RBM33: variants seen among roughly 807,000 people sequenced by gnomAD.
RBM33 encodes RNA binding motif protein 33.
RBM33 carries 28 observed loss-of-function variants against 132.6 expected under a neutral mutation model. That is an observed-to-expected ratio of 0.21 (90% confidence interval 0.16 to 0.29). The LOEUF (loss-of-function observed/expected upper bound fraction) is 0.29, where lower values mean the gene tolerates loss of function less well. Ranked by LOEUF, RBM33 falls within the 10% of genes least tolerant of loss-of-function variation. The pLI is 1.00. For missense variants in RBM33, 1,291 were observed against 1,518.5 expected (o/e 0.85, Z 2.49); for synonymous variants, 634 against 593.0 (o/e 1.07, Z -1.01).
chr7:155,692,107 G>A (rs1188854769), intron 5 of RBM33, among the ~76,000 whole-genome samples: 6 of 151,886 alleles, frequency 4.0e-5, no homozygotes, highest in African/African-American at 1.5e-4. Context: ...TCTTGTGTGG[G>A]GGAGGAGGGA....
At chr7:155,711,086 A>G in intron 7 of RBM33, 117 bp from the exon 8 acceptor site, 1 of 1,365,350 alleles carries the variant, frequency 7.3e-7, no homozygotes, top group Non-Finnish European at 9.5e-7. Context: ...AACTTAAAAA[A>G]TGCAATCAGT....
At chr7:155,713,485 G>A (rs1222218232) in intron 8 of RBM33, among the ~76,000 whole-genome samples, 1 of 152,080 alleles carries the variant, frequency 6.6e-6, no homozygotes, top group African/African-American at 2.4e-5. Context: ...CGTGGGAATG[G>A]GGGCAGGAGG....
chr7:155,780,149 G>C lies in RBM33; in HGVS notation c.*5108G>C, dbSNP rs1386461634. The stretch of plus-strand genomic sequence containing the variant: ...CATTTTAAGGGCACCCGTGGCGGAA[G>C]CTGGTTTTGCAAGGACTGTGTAAGC... On this transcript the variant is annotated 3_prime_UTR_variant, in exon 18 of 18. Transcript: ENST00000401878. 1 of 152,220 alleles carries C rather than the reference G, an allele frequency of 6.6e-6. No homozygotes were observed. Among genetic ancestry groups the C allele is most frequent in the Non-Finnish European group, 1.5e-5 (1 of 68,048 alleles). The allele number at this position is 152,220 out of a possible 1,614,324, so 9.4% of individuals were successfully genotyped here.
In RBM33 at chr7:155,779,002, C is replaced by T. The variant is rs1007318718; in HGVS notation, c.*3961C>T. 3 of 152,446 alleles carry T rather than the reference C, an allele frequency of 2.0e-5. No individual in the cohort carries two copies. The highest frequency in any genetic ancestry group is 2.9e-5 in the Non-Finnish European group (2 of 68,064). The allele number at this position is 152,446 out of a possible 1,614,324, so 9.4% of individuals were successfully genotyped here. A position where few individuals can be genotyped will look rare whatever the true frequency, so the allele number is the denominator to read the frequency against. On this transcript the variant is annotated 3_prime_UTR_variant, in exon 18 of 18. Transcript: ENST00000401878. The stretch of plus-strand genomic sequence containing the variant: ...CTCTCCCTGGAGAGGACTGCCAGCT[C>T]TTAAGAAACATTCCTGGTGCGGTGT...
At position 155,644,721 on chromosome 7, in the gene RBM33, G is replaced by A. The variant is rs529997985; in HGVS notation, c.-156G>A. ...TGTTTTCTTCCTGCGGAGGCGAAGGGCCAGCTGTGGACCGCGAAGCGCCCG... is the reference window on the plus strand; with the variant it reads ...TGTTTTCTTCCTGCGGAGGCGAAGGACCAGCTGTGGACCGCGAAGCGCCCG... On this transcript the variant is annotated 5_prime_UTR_variant, in exon 1 of 18. Transcript: ENST00000401878. The A allele has an allele frequency of 2.5e-3, 1,357 of 532,548 alleles. 20 individuals are homozygous for A. The highest frequency in any genetic ancestry group is 0.024 in the African/African-American group (1,179 of 49,884). 33.0% of individuals were successfully genotyped at this position (532,548 alleles called of 1,614,324 possible). A position where few individuals can be genotyped will look rare whatever the true frequency, so the allele number is the denominator to read the frequency against.
intron 13 of RBM33, among the ~76,000 whole-genome samples, chr7:155,743,399 T>C (rs574757651): frequency 6.6e-6 from 1 of 152,382 alleles, no homozygotes; most frequent in East Asian, 1.9e-4. Flanking sequence ...GGCATCCTGC[T>C]GGCACATCTG....
rs972298807 is a variant in RBM33, at chr7:155,777,866, C to G, written c.*2825C>G. The stretch of plus-strand genomic sequence containing the variant: ...TCTGTGTATTATTTGTTCACAAATT[C>G]AAGAAGCTTAAAGGTCGTAAATATC... On this transcript the variant is annotated 3_prime_UTR_variant, in exon 18 of 18. Coordinates refer to ENST00000401878, the MANE Select transcript of RBM33 (RefSeq NM_053043.3). The G allele has an allele frequency of 1.3e-5, 2 of 152,588 alleles. No homozygotes were observed. The highest frequency in any genetic ancestry group is 4.8e-5 in the African/African-American group (2 of 41,438). The allele number at this position is 152,588 out of a possible 1,614,324, so 9.5% of individuals were successfully genotyped here.
chr7:155,674,839 T>A (rs1236449949), intron 3 of RBM33, among the ~76,000 whole-genome samples: 4 of 152,220 alleles, frequency 2.6e-5, no homozygotes, highest in African/African-American at 9.6e-5. Flanking sequence ...ACAGGAGATG[T>A]GTCTCTCATT....
chr7:155,702,899 A>G (rs1449027031), intron 6 of RBM33, among the ~76,000 whole-genome samples: 1 of 150,682 alleles, frequency 6.6e-6, no homozygotes, highest in Admixed American at 6.7e-5. Context: ...TAAGACTATT[A>G]ATTCACTTGC....
At position 155,734,891 on chromosome 7, in the gene RBM33, C is replaced by T. The variant is rs73734716; in HGVS notation, c.1261-2639C>T. Reference sequence around the variant, plus strand: ...TATTCCGTGTCATTCTGAGAAGCATCATTTAAACATTTTTTTGAAATAATG... The same window carrying T: ...TATTCCGTGTCATTCTGAGAAGCATTATTTAAACATTTTTTTGAAATAATG... On this transcript the variant is annotated intron_variant, in intron 9 of 17. Coordinates refer to ENST00000401878, the MANE Select transcript of RBM33 (RefSeq NM_053043.3). Among the ~76,000 whole-genome samples the T allele has an allele frequency of 6.9e-3, 986 of 143,148 alleles. 9 individuals carry two copies. Among genetic ancestry groups the T allele is most frequent in the African/African-American group, 0.026 (959 of 37,272 alleles). 93.9% of individuals were successfully genotyped at this position (143,148 alleles called of 152,430 possible). A position where few individuals can be genotyped will look rare whatever the true frequency, so the allele number is the denominator to read the frequency against.
intron 9 of RBM33, among the ~76,000 whole-genome samples, chr7:155,723,244 A>G (rs1800678650): frequency 6.6e-6 from 1 of 152,232 alleles, no homozygotes; most frequent in Non-Finnish European, 1.5e-5. Flanking sequence ...GAGAATCCAG[A>G]CTTTATTCCA....
chr7:155,661,148 T>TATATA, intron 1 of RBM33, among the ~76,000 whole-genome samples: 1 of 41,242 alleles, frequency 2.4e-5, no homozygotes, highest in African/African-American at 4.6e-5. Context: ...ATATATATAT[T>TATATA]TTTTTTTTTT....
At position 155,774,138 on chromosome 7, in the gene RBM33, T is replaced by A. The variant is rs888780321; in HGVS notation, c.3376-421T>A. Among the ~76,000 whole-genome samples, 5 of 152,246 alleles carry A rather than the reference T, an allele frequency of 3.3e-5. No homozygotes were observed. Among genetic ancestry groups the A allele is most frequent in the Non-Finnish European group, 5.9e-5 (4 of 68,040 alleles). Reference sequence around the variant, plus strand: ...ACTGTGGGCTGTGGGGCCCCCATACTAAACAGTTTCCTCTGGTGTGATGAG... The same window carrying A: ...ACTGTGGGCTGTGGGGCCCCCATACAAAACAGTTTCCTCTGGTGTGATGAG... On this transcript the variant is annotated intron_variant, in intron 16 of 17. Transcript: ENST00000401878. The surrounding 1 kb of genome is among the most constrained non-coding windows in gnomAD (Gnocchi z 4.2).
rs1453629827 is a variant in RBM33 at position 155,772,276 on chromosome 7, G to A, written c.3376-2283G>A. Among the ~76,000 whole-genome samples the A allele has an allele frequency of 7.9e-5, 12 of 152,024 alleles. No individual in the cohort carries two copies. In the Middle Eastern group the frequency reaches 0.01, roughly 129 times the overall value. ...CAGCTCTAACCTAGGTTAGGGTTAG[G>A]GTTTAGGTTCGGGTTAGGTTAGGGT... On this transcript the variant is annotated intron_variant, in intron 16 of 17. Coordinates refer to ENST00000401878, the MANE Select transcript of RBM33 (RefSeq NM_053043.3).
chr7:155,692,007 C>A (rs1239495358), intron 5 of RBM33, among the ~76,000 whole-genome samples: 1 of 150,848 alleles, frequency 6.6e-6, no homozygotes, highest in Non-Finnish European at 1.5e-5. Flanking sequence ...GCTGTGATTG[C>A]GCCACTGCCC....
intron 2 of RBM33, among the ~76,000 whole-genome samples, chr7:155,669,281 G>A (rs1376958025): frequency 6.6e-6 from 1 of 152,150 alleles, no homozygotes; most frequent in African/African-American, 2.4e-5. Context: ...ACCTGAAATT[G>A]TGTTTTATTT....
At chr7:155,703,174 CCTT>C (rs1334674123) in intron 6 of RBM33, among the ~76,000 whole-genome samples, 3 of 152,240 alleles carry the variant, frequency 2.0e-5, no homozygotes, top group Admixed American at 6.5e-5. Flanking sequence ...TCCTGCATCT[CCTT>C]CTTCTCAGGA....
chr7:155,739,945 G>A lies in RBM33; in HGVS notation c.1968G>A (p.Gln656=). 3 of 1,554,886 alleles carry A rather than the reference G, an allele frequency of 1.9e-6. No homozygotes were observed. Among genetic ancestry groups the A allele is most frequent in the Admixed American group, 2.0e-5 (1 of 51,274 alleles). Residue 656 remains glutamine (Q), a synonymous_variant, in exon 12 of 18, where the codon CAG becomes CAA. Transcript: ENST00000401878. ...PPPLMPMSQP[Q]FRPHVQTAQP... Reference sequence around the variant, plus strand: ...CTTTGATGCCGATGTCTCAGCCACAGTTCCGGCCTCACGTACAGACCGCTC... The same window carrying A: ...CTTTGATGCCGATGTCTCAGCCACAATTCCGGCCTCACGTACAGACCGCTC...
intron 2 of RBM33, among the ~76,000 whole-genome samples, chr7:155,666,858 A>C (rs1798815489): frequency 6.6e-6 from 1 of 152,182 alleles, no homozygotes; most frequent in South Asian, 2.1e-4. Flanking sequence ...TAGATTTTTG[A>C]GAAGAATACA....
Sources: allele counts gnomAD v4.1 joint callset (sites outside exome capture counted in the v4.1 genomes callset), GRCh38; gene constraint gnomAD v4.1.1; non-coding constraint Gnocchi (gnomAD v3.1); transcripts MANE v1.5; gene names NCBI Gene and HGNC (gene_info 2026-07-23, HGNC 2026-07-21).